The following KCNJ6 variants were observed in gnomAD, a reference collection of about 807,000 sequenced individuals.
The protein encoded by KCNJ6 is potassium inwardly rectifying channel subfamily J member 6, also known as G protein-activated inward rectifier potassium channel 2.
KCNJ6 carries 9 observed loss-of-function variants against 34.2 expected under a neutral mutation model. The ratio of observed to expected loss-of-function variants is 0.26; its 90% CI spans 0.16 to 0.46. The LOEUF (loss-of-function observed/expected upper bound fraction) is 0.46, where lower values mean the gene tolerates loss of function less well. KCNJ6 is among the 20% of genes least tolerant of loss of function. KCNJ6 has a pLI of 1.00. For missense variants in KCNJ6, 236 were observed against 531.3 expected (o/e 0.44, Z 5.46); for synonymous variants, 196 against 207.1 (o/e 0.95, Z 0.46).
chr21:37,667,052 C>A (rs544318804), intron 3 of KCNJ6, among the ~76,000 whole-genome samples: 38 of 150,036 alleles, frequency 2.5e-4, no homozygotes, highest in African/African-American at 8.1e-4. Flanking sequence ...AAACCGGAGA[C>A]CTTTGTTCAC....
At chr21:37,663,704 A>G (rs1281722767) in intron 3 of KCNJ6, among the ~76,000 whole-genome samples, 2 of 152,250 alleles carry the variant, frequency 1.3e-5, no homozygotes, top group East Asian at 3.8e-4. Context: ...TACTGATTAT[A>G]TACATCTAAT....
intron 2 of KCNJ6, among the ~76,000 whole-genome samples, chr21:37,803,217 T>C (rs574676765): frequency 3.9e-5 from 6 of 152,308 alleles, no homozygotes; most frequent in African/African-American, 1.4e-4. Context: ...CATCATCCTG[T>C]CAGAGGCTAT....
chr21:37,873,105 T>C (rs1194995412), intron 1 of KCNJ6, among the ~76,000 whole-genome samples: 1 of 152,160 alleles, frequency 6.6e-6, no homozygotes, highest in African/African-American at 2.4e-5. Context: ...AGCCTAGCTG[T>C]TTCTCCTGCT....
rs116966976 is a variant in KCNJ6, at chr21:37,783,235, C to T, written c.25+57423G>A. On this transcript the variant is annotated intron_variant, in intron 2 of 3. Transcript: ENST00000609713. Reference sequence around the variant, plus strand: ...TGCAGAAGCTAACCACGGATGAGGGCGTGCATCAGCAAAATATCTGTGTGG... The same window carrying T: ...TGCAGAAGCTAACCACGGATGAGGGTGTGCATCAGCAAAATATCTGTGTGG... Among the ~76,000 whole-genome samples the T allele has an allele frequency of 2.3e-3, 353 of 152,322 alleles. 2 individuals carry two copies. The East Asian group carries it at 0.029, about 13-fold the overall frequency.
At chr21:37,846,453 GT>G (rs1299679982) in intron 1 of KCNJ6, among the ~76,000 whole-genome samples, 2 of 151,314 alleles carry the variant, frequency 1.3e-5, no homozygotes, top group Admixed American at 1.3e-4. Context: ...TGAATGCAGA[GT>G]ATCTAGAAAG....
intron 2 of KCNJ6, among the ~76,000 whole-genome samples, chr21:37,817,370 G>A (rs1034467894): frequency 6.6e-6 from 1 of 152,162 alleles, no homozygotes; most frequent in African/African-American, 2.4e-5. Context: ...TTATTGCAAA[G>A]AATTAATGAA....
At chr21:37,692,523 C>T (rs140162584) in intron 3 of KCNJ6, among the ~76,000 whole-genome samples, 21 of 152,214 alleles carry the variant, frequency 1.4e-4, no homozygotes, top group African/African-American at 3.4e-4. Flanking sequence ...TGGAAACTGA[C>T]GGGAATGTGG....
intron 2 of KCNJ6, among the ~76,000 whole-genome samples, chr21:37,718,820 A>AT (rs111817527): frequency 1.3e-5 from 2 of 152,156 alleles, no homozygotes; most frequent in African/African-American, 2.4e-5. Context: ...TATAATAATA[A>AT]AAAAAAAATA....
intron 2 of KCNJ6, among the ~76,000 whole-genome samples, chr21:37,778,087 G>C (rs577283839): frequency 6.6e-6 from 1 of 152,254 alleles, no homozygotes; most frequent in South Asian, 2.1e-4. Flanking sequence ...AAGCGTTCAG[G>C]CATTCTGCTT....
At chr21:37,823,226 C>T (rs1212855471) in intron 2 of KCNJ6, among the ~76,000 whole-genome samples, 1 of 152,176 alleles carries the variant, frequency 6.6e-6, no homozygotes, top group African/African-American at 2.4e-5. Context: ...CTGGGCACAC[C>T]TGAGGCTCCA....
At chr21:37,873,298 C>T (rs555616273) in intron 1 of KCNJ6, among the ~76,000 whole-genome samples, 20 of 152,278 alleles carry the variant, frequency 1.3e-4, no homozygotes, top group South Asian at 1.0e-3. Context: ...GCACGTTACG[C>T]GAATCCTTGC....
Position 37,683,716 on chromosome 21 carries a change from C to T in KCNJ6, c.946+30495G>A, listed in dbSNP as rs771031454. Reference sequence around the variant, plus strand: ...GCCAACCCCAAGGGAGTGAGATGCACAGAGTTCCGGTGTGGGGAGCCTGAA... The same window carrying T: ...GCCAACCCCAAGGGAGTGAGATGCATAGAGTTCCGGTGTGGGGAGCCTGAA... On this transcript the variant is annotated intron_variant, in intron 3 of 3. Transcript: ENST00000609713. Among the ~76,000 whole-genome samples, 85 of 152,162 alleles carry T rather than the reference C, an allele frequency of 5.6e-4. 3 individuals carry two copies. The highest frequency in any genetic ancestry group is 1.2e-4 in the Non-Finnish European group (8 of 68,030).
chr21:37,716,269 A>G (rs1315348066), intron 2 of KCNJ6, among the ~76,000 whole-genome samples: 1 of 151,978 alleles, frequency 6.6e-6, no homozygotes. Context: ...GGGTGGGGAA[A>G]TGTTCTCTCT....
At chr21:37,838,127 C>T (rs1341899080) in intron 2 of KCNJ6, among the ~76,000 whole-genome samples, 2 of 152,296 alleles carry the variant, frequency 1.3e-5, no homozygotes, top group Admixed American at 6.5e-5. Context: ...AGAATGGGTG[C>T]ACCCAGTCAT....
chr21:37,882,109 C>A (rs1341830813), intron 1 of KCNJ6, among the ~76,000 whole-genome samples: 1 of 152,186 alleles, frequency 6.6e-6, no homozygotes, highest in Admixed American at 6.5e-5. Flanking sequence ...CAGTTAGAAG[C>A]TCCCAGACCC....
intron 3 of KCNJ6, among the ~76,000 whole-genome samples, chr21:37,629,100 T>G (rs372171478): frequency 4.6e-5 from 7 of 152,126 alleles, no homozygotes; most frequent in African/African-American, 1.7e-4. Context: ...ACAGGTGTGT[T>G]CAGGGTGGTA....
chr21:37,913,463 C>T (rs1352436430), intron 1 of KCNJ6, among the ~76,000 whole-genome samples: 4 of 152,194 alleles, frequency 2.6e-5, no homozygotes, highest in Non-Finnish European at 5.9e-5. Context: ...GTTTTGATTC[C>T]TTCCAGTTCT....
intron 1 of KCNJ6, among the ~76,000 whole-genome samples, chr21:37,854,391 A>G (rs1398050199): frequency 6.6e-6 from 1 of 152,138 alleles, no homozygotes; most frequent in African/African-American, 2.4e-5. Context: ...AAGTGAAGTA[A>G]GCCAGGCGCA....
Position 37,625,454 on chromosome 21 carries a change from A to G in KCNJ6, c.977T>C (p.Ile326Thr). ...GMTCQARSSY[I>T]TSEILWGYRF... ...GTAACCCCACAGGATCTCACTGGTG[A>G]TGTAGGAGCTTCGAGCTTGGCATGT... Residue 326 changes from isoleucine (I) to threonine (T), a missense_variant, in exon 4 of 4, where the codon ATC becomes ACC. Coordinates refer to ENST00000609713, the MANE Select transcript of KCNJ6 (RefSeq NM_002240.5). The G allele has an allele frequency of 6.2e-7, 1 of 1,613,582 alleles. No homozygotes were observed. The highest frequency in any genetic ancestry group is 8.5e-7 in the Non-Finnish European group (1 of 1,179,562).
Sources: gnomAD v4.1 joint callset for allele counts (sites outside exome capture counted in the v4.1 genomes callset) on GRCh38, gnomAD v4.1.1 for gene constraint, MANE v1.5 for transcripts, NCBI Gene and HGNC (gene_info 2026-07-23, HGNC 2026-07-21) for gene names.